TRMT112: variants seen among roughly 807,000 people sequenced by gnomAD.
TRMT112 encodes multifunctional methyltransferase subunit TRM112-like protein.
In TRMT112, 9 loss-of-function variants were observed where a neutral mutation model predicts 13.8. The ratio of observed to expected loss-of-function variants is 0.65; its 90% confidence interval spans 0.39 to 1.14. The LOEUF is 1.14. TRMT112 is among the 50% of genes most tolerant of loss of function. The probability of loss-of-function intolerance (pLI) is 0.01; values close to 1 mark genes in which losing one functional copy is unlikely to be tolerated. For missense variants in TRMT112, 196 were observed against 165.5 expected, an observed-to-expected ratio of 1.18 and a Z score of -1.01; for synonymous variants, 64 against 67.0, an observed-to-expected ratio of 0.96 and a Z score of 0.22.
In TRMT112 at chr11:64,317,289, G is replaced by GACCA; in HGVS notation, c.151_154dup (p.Ser52LeufsTer10). 6.2e-7 allele frequency: 1 copy of GACCA among 1,612,216 alleles called. No homozygotes were observed. Among genetic ancestry groups the GACCA allele is most frequent in the Non-Finnish European group, 8.5e-7 (1 of 1,178,414 alleles). On this transcript the variant is annotated frameshift_variant, in exon 2 of 4. Coordinates refer to ENST00000544844, the MANE Select transcript of TRMT112 (RefSeq NM_016404.3). LOFTEE classifies it high-confidence loss of function. The stretch of plus-strand genomic sequence containing the variant: ...GTTATCGGCCGCCTCCAGGAACGCC[G>GACCA]ACCACTCCACTTTAGGTATCATACG...
upstream of TRMT112, chr11:64,317,599 T>G: frequency 2.1e-6 from 3 of 1,419,770 alleles, no homozygotes; most frequent in Non-Finnish European, 9.5e-7. Context: ...CCGGGGATGC[T>G]CCTCTCGATG....
chr11:64,317,483 C>G lies in TRMT112; in HGVS notation c.44G>C (p.Gly15Ala), dbSNP rs774517266. 4 of 1,606,956 alleles carry G rather than the reference C, an allele frequency of 2.5e-6. No individual in the cohort carries two copies. Among genetic ancestry groups the G allele is most frequent in the Admixed American group, 1.7e-5 (1 of 59,010 alleles). Reference sequence around the variant, plus strand: ...CAGGGGGAAGCCACGGGACCCCACCCCCCGCACATGCGAGCTCAGCAGATT... The same window carrying G: ...CAGGGGGAAGCCACGGGACCCCACCGCCCGCACATGCGAGCTCAGCAGATT... ...THNLLSSHVR[G>A]VGSRGFPLRL... is the part of the protein sequence containing the mutation. Residue 15 changes from glycine to alanine, a missense_variant, in exon 1 of 4, where the codon GGG becomes GCG. By Grantham distance (60) the Gly-to-Ala change is moderately conservative (BLOSUM62 0). Coordinates refer to ENST00000544844, the MANE Select transcript of TRMT112 (RefSeq NM_016404.3).
At chr11:64,318,053 TGG>T, upstream of TRMT112, 1 of 1,435,360 alleles carries the variant, frequency 7.0e-7, no homozygotes, top group South Asian at 1.5e-5. Flanking sequence ...AAACGAGGCG[TGG>T]GTCCCGGAAG....
At chr11:64,318,069 T>G, upstream of TRMT112, 1 of 1,444,218 alleles carries the variant, frequency 6.9e-7, no homozygotes, top group East Asian at 2.5e-5. Context: ...CCGGAAGCTC[T>G]GTTCTGCGGG....
Position 64,316,676 on chromosome 11 carries a change from GC to G in TRMT112, c.*184del, listed in dbSNP as rs2035278279. The G allele has an allele frequency of 1.7e-6, 1 of 603,920 alleles. No individual in the cohort carries two copies. Among genetic ancestry groups the G allele is most frequent in the South Asian group, 2.1e-5 (1 of 48,070 alleles). The allele number at this position is 603,920 out of a possible 1,614,324, so 37.4% of individuals were successfully genotyped here. A position where few individuals can be genotyped will look rare whatever the true frequency, so the allele number is the denominator to read the frequency against. ...GACTCTATTTTAATGTATATTTGCTGCAAAGAGAAACCGCTTTTGGTTTTAA... is the reference window on the plus strand; with the variant it reads ...GACTCTATTTTAATGTATATTTGCTGAAAGAGAAACCGCTTTTGGTTTTAA... On this transcript the variant is annotated 3_prime_UTR_variant, in exon 4 of 4. Coordinates refer to ENST00000544844, the MANE Select transcript of TRMT112 (RefSeq NM_016404.3).
chr11:64,317,629 AC>A (rs1416303572), upstream of TRMT112: 3 of 1,275,898 alleles, frequency 2.4e-6, no homozygotes, highest in Non-Finnish European at 3.2e-6. Flanking sequence ...AGCCAGGAGA[AC>A]CGGAAGTGGC....
At chr11:64,318,177 C>T (rs760081876), upstream of TRMT112, 6 of 1,608,820 alleles carry the variant, frequency 3.7e-6, no homozygotes, top group Admixed American at 6.7e-5. Flanking sequence ...TGCGGTGGCA[C>T]CAGCCAGGAG....
At chr11:64,317,876 G>A, upstream of TRMT112, 1 of 1,238,618 alleles carries the variant, frequency 8.1e-7, no homozygotes, top group Non-Finnish European at 1.0e-6. Context: ...GCCTAACACC[G>A]TCGTCCTCTG....
chr11:64,317,662 G>T, upstream of TRMT112: 1 of 1,008,828 alleles, frequency 9.9e-7, no homozygotes, highest in South Asian at 1.7e-5. Flanking sequence ...AACTTCTCGT[G>T]TTTGTGGGAG....
upstream of TRMT112, chr11:64,318,373 T>C: frequency 6.2e-7 from 1 of 1,608,486 alleles, no homozygotes; most frequent in East Asian, 2.2e-5. Flanking sequence ...GCTGCAGCCA[T>C]GGCCCCAATC....
Position 64,316,847 on chromosome 11 carries a change from G to A in TRMT112, c.*14C>T. On this transcript the variant is annotated 3_prime_UTR_variant, in exon 4 of 4. Coordinates refer to ENST00000544844, the MANE Select transcript of TRMT112 (RefSeq NM_016404.3). Reference sequence around the variant, plus strand: ...ATACACAGTCATAACAAGAAAAACTGGCGCCTGGCACAATCAACTCTCAGT... The same window carrying A: ...ATACACAGTCATAACAAGAAAAACTAGCGCCTGGCACAATCAACTCTCAGT... 2.0e-6 allele frequency: 3 copies of A among 1,528,412 alleles called. No homozygotes were observed. Among genetic ancestry groups the A allele is most frequent in the African/African-American group, 1.4e-5 (1 of 73,276 alleles). 94.7% of individuals were successfully genotyped at this position (1,528,412 alleles called of 1,614,324 possible). A position where few individuals can be genotyped will look rare whatever the true frequency, so the allele number is the denominator to read the frequency against.
upstream of TRMT112, chr11:64,317,927 T>G: frequency 7.3e-7 from 1 of 1,372,404 alleles, no homozygotes; most frequent in Non-Finnish European, 9.4e-7. Flanking sequence ...CCGCCCTATC[T>G]GTAAATTAGG....
Position 64,317,502 on chromosome 11 carries a change from G to C in TRMT112, c.25C>G (p.Leu9Val), listed in dbSNP as rs1422920062. 1.3e-6 allele frequency: 2 copies of C among 1,598,836 alleles called. No homozygotes were observed. The highest frequency in any genetic ancestry group is 1.7e-6 in the Non-Finnish European group (2 of 1,170,772). MKLLTHNLLSSHVRGVGSR... is the reference protein window; with the variant it reads MKLLTHNLVSSHVRGVGSR... ...CCCACCCCCCGCACATGCGAGCTCA[G>C]CAGATTGTGGGTAAGCAGTTTCATG... The change falls in exon 1 of 4, where the codon CTG (leucine) becomes GTG (valine). Residue 9 changes from leucine to valine, a missense_variant. Leu to Val is a conservative substitution (Grantham distance 32). Coordinates refer to ENST00000544844, the MANE Select transcript of TRMT112 (RefSeq NM_016404.3).
chr11:64,318,408 C>T (rs751417950), upstream of TRMT112: 2 of 1,589,582 alleles, frequency 1.3e-6, no homozygotes, highest in Non-Finnish European at 8.5e-7. Flanking sequence ...CCCGGCCGGG[C>T]CTGACATCCC....
upstream of TRMT112, chr11:64,318,135 C>T: frequency 1.3e-6 from 2 of 1,570,288 alleles, no homozygotes; most frequent in East Asian, 2.3e-5. Context: ...CGCAGGGTGT[C>T]GCCGCTGTGC....
chr11:64,317,836 A>G, upstream of TRMT112: 2 of 927,028 alleles, frequency 2.2e-6, no homozygotes, highest in Non-Finnish European at 3.0e-6. Context: ...CGTTGAATGC[A>G]AAATAAACAC....
At chr11:64,317,610 C>T, upstream of TRMT112, 1 of 1,352,562 alleles carries the variant, frequency 7.4e-7, no homozygotes, top group Non-Finnish European at 1.0e-6. Flanking sequence ...CCTCTCGATG[C>T]TATTGGATAG....
chr11:64,317,920 C>A, upstream of TRMT112: 1 of 1,369,068 alleles, frequency 7.3e-7, no homozygotes, highest in Non-Finnish European at 9.4e-7. Context: ...AGAAATACCG[C>A]CCTATCTGTA....
chr11:64,317,482 C>G lies in TRMT112; in HGVS notation c.45G>C (p.Gly15=), dbSNP rs775252346. 6.2e-7 allele frequency: 1 copy of G among 1,607,222 alleles called. No individual in the cohort carries two copies. Among genetic ancestry groups the G allele is most frequent in the Non-Finnish European group, 8.5e-7 (1 of 1,176,202 alleles). Residue 15 remains glycine, a synonymous_variant, in exon 1 of 4, where the codon GGG becomes GGC. Transcript: ENST00000544844. ...GCAGGGGGAAGCCACGGGACCCCAC[C>G]CCCCGCACATGCGAGCTCAGCAGAT... ...THNLLSSHVR[G]VGSRGFPLRL...
Sources: allele counts gnomAD v4.1 joint callset, GRCh38; gene constraint gnomAD v4.1.1; transcripts MANE v1.5; gene names NCBI Gene and HGNC (gene_info 2026-07-23, HGNC 2026-07-21).